The following RNGTT variants were observed in gnomAD, a reference collection of about 807,000 sequenced individuals.
The protein encoded by RNGTT is RNA guanylyltransferase and 5'-phosphatase.
In RNGTT, 33 loss-of-function variants were observed where a neutral mutation model predicts 79.3. The ratio of observed to expected loss-of-function variants is 0.42; its 90% confidence interval spans 0.32 to 0.56. The LOEUF is 0.56. Among genes scored for constraint, RNGTT ranks in the 20% least tolerant of loss-of-function variants. RNGTT has a pLI of 0.17. For synonymous variants in RNGTT, 222 were observed against 235.9 expected (o/e 0.94, Z 0.54); for missense variants, 497 against 739.1 (o/e 0.67, Z 3.80).
chr6:88,616,215 TG>T (rs1207278206), intron 14 of RNGTT, among the ~76,000 whole-genome samples: 1 of 152,250 alleles, frequency 6.6e-6, no homozygotes, highest in Non-Finnish European at 1.5e-5. Context: ...AATATTCCAC[TG>T]TATGTATACA....
intron 11 of RNGTT, among the ~76,000 whole-genome samples, chr6:88,838,034 T>C (rs1781139740): frequency 1.3e-5 from 2 of 152,188 alleles, no homozygotes; most frequent in South Asian, 2.1e-4. Context: ...TGCAAAATTA[T>C]TGCAAGCAAT....
At chr6:88,673,596 A>C (rs1028396924) in intron 14 of RNGTT, among the ~76,000 whole-genome samples, 4 of 152,260 alleles carry the variant, frequency 2.6e-5, no homozygotes, top group African/African-American at 9.6e-5. Context: ...CAACAACATC[A>C]AAAGAAAAGG....
chr6:88,690,716 A>G (rs1775447749), intron 13 of RNGTT, among the ~76,000 whole-genome samples: 1 of 152,184 alleles, frequency 6.6e-6, no homozygotes, highest in South Asian at 2.1e-4. Context: ...CATCTCAAAA[A>G]TAAATAAATA....
In RNGTT at chr6:88,890,535, G is replaced by C. The variant is rs1293517590; in HGVS notation, c.856C>G (p.Leu286Val). The C allele has an allele frequency of 6.2e-7, 1 of 1,613,436 alleles. No individual in the cohort carries two copies. The highest frequency in any genetic ancestry group is 1.1e-5 in the South Asian group (1 of 91,016). ...MDKQNIKLLD[L>V]KPYKVSWKAD... ...TTCCAGCTTACTTTGTATGGCTTCA[G>C]GTCTAAAAGTTTAATATTTTGCTTG... The change falls in exon 8 of 16, where the codon CTG becomes GTG. Residue 286 changes from leucine to valine, a missense_variant. Leu to Val is a conservative substitution (Grantham distance 32). This residue lies in a region of RNGTT where 440 missense variants were observed against 671.5 expected (regional missense o/e 0.66). Coordinates refer to ENST00000369485, the MANE Select transcript of RNGTT (RefSeq NM_003800.5).
At chr6:88,912,541 C>G (rs543645350) in intron 4 of RNGTT, among the ~76,000 whole-genome samples, 2 of 151,562 alleles carry the variant, frequency 1.3e-5, no homozygotes, top group Non-Finnish European at 2.9e-5. Context: ...CAGAGCAGAG[C>G]AAAAAGAAGT....
At chr6:88,798,397 C>T (rs538107063) in intron 12 of RNGTT, among the ~76,000 whole-genome samples, 4 of 151,120 alleles carry the variant, frequency 2.6e-5, no homozygotes, top group Admixed American at 1.3e-4. Flanking sequence ...CCCAGGAGGT[C>T]GAGGCTGCAG....
chr6:88,700,618 G>A (rs1469090060), intron 13 of RNGTT, among the ~76,000 whole-genome samples: 2 of 152,074 alleles, frequency 1.3e-5, no homozygotes, highest in African/African-American at 4.8e-5. Context: ...ATTTATAGAA[G>A]TAATCCATCC....
rs984935477 is a variant in RNGTT at position 88,611,796 on chromosome 6, C to T, written c.*923G>A. 1 of 152,506 alleles carries T rather than the reference C, an allele frequency of 6.6e-6. No homozygotes were observed. Among genetic ancestry groups the T allele is most frequent in the Admixed American group, 6.6e-5 (1 of 15,262 alleles). 9.4% of individuals were successfully genotyped at this position (152,506 alleles called of 1,614,324 possible). A position where few individuals can be genotyped will look rare whatever the true frequency, so the allele number is the denominator to read the frequency against. On this transcript the variant is annotated 3_prime_UTR_variant, in exon 16 of 16. Transcript: ENST00000369485. ...CTGGCATTCCCTTTGCTGTTTTGTT[C>T]GAGAGAAGGAACACAACATCGTTTG...
At chr6:88,933,788 A>G (rs935025565) in intron 2 of RNGTT, among the ~76,000 whole-genome samples, 1 of 152,196 alleles carries the variant, frequency 6.6e-6, no homozygotes, top group Non-Finnish European at 1.5e-5. Context: ...TTGTGTATAT[A>G]TGCCACATTT....
At chr6:88,932,665 T>A (rs1562050470) in intron 2 of RNGTT, among the ~76,000 whole-genome samples, 2 of 152,124 alleles carry the variant, frequency 1.3e-5, no homozygotes, top group African/African-American at 4.8e-5. Context: ...TGGGGGCTGG[T>A]TCCCCCAACA....
rs556620194 is a variant in RNGTT at position 88,697,928 on chromosome 6, G to GAT, written c.1440-19511_1440-19510dup. 1.7e-3 allele frequency among the ~76,000 whole-genome samples: 178 copies of GAT among 107,278 alleles called. 45 individuals are homozygous for GAT. The highest frequency in any genetic ancestry group is 4.9e-3 in the African/African-American group (105 of 21,336). The allele number at this position is 107,278 out of a possible 152,430, so 70.4% of individuals were successfully genotyped here. ...ATATATATATGAAATACATATATAT[G>GAT]ATATATATATGAAATACATATATAT... On this transcript the variant is annotated intron_variant, in intron 13 of 15. Transcript: ENST00000369485.
intron 8 of RNGTT, among the ~76,000 whole-genome samples, chr6:88,887,785 T>C (rs1303330872): frequency 1.3e-5 from 2 of 152,082 alleles, no homozygotes; most frequent in African/African-American, 4.8e-5. Flanking sequence ...TGCCCAAAGC[T>C]TACCATGATA....
intron 13 of RNGTT, among the ~76,000 whole-genome samples, chr6:88,748,017 T>A (rs1777720331): frequency 6.6e-6 from 1 of 152,080 alleles, no homozygotes; most frequent in African/African-American, 2.4e-5. Flanking sequence ...AGAAAATCAC[T>A]ACACTACACC....
chr6:88,772,033 G>C (rs1778701125), intron 12 of RNGTT, among the ~76,000 whole-genome samples: 1 of 151,954 alleles, frequency 6.6e-6, no homozygotes, highest in Non-Finnish European at 1.5e-5. Context: ...TTAATAATTA[G>C]CCAAATATAG....
chr6:88,863,155 C>T (rs992707114), intron 8 of RNGTT, among the ~76,000 whole-genome samples: 1 of 152,182 alleles, frequency 6.6e-6, no homozygotes, highest in African/African-American at 2.4e-5. Context: ...AAAGCCTATT[C>T]ACTTCTTCAC....
intron 8 of RNGTT, among the ~76,000 whole-genome samples, chr6:88,862,438 G>C (rs567548161): frequency 1.9e-4 from 29 of 152,266 alleles, no homozygotes; most frequent in African/African-American, 6.3e-4. Flanking sequence ...GCACATCCAG[G>C]GTGGACGTGA....
At chr6:88,686,906 G>A (rs1211966929) in intron 13 of RNGTT, among the ~76,000 whole-genome samples, 3 of 145,576 alleles carry the variant, frequency 2.1e-5, no homozygotes, top group African/African-American at 8.5e-5. Flanking sequence ...GAAAACCTGA[G>A]TAAATTCCTC....
At chr6:88,714,590 C>T (rs1776439137) in intron 13 of RNGTT, among the ~76,000 whole-genome samples, 1 of 121,012 alleles carries the variant, frequency 8.3e-6, no homozygotes, top group Admixed American at 7.3e-5. Flanking sequence ...CTACAGGCGC[C>T]CGCCACTACG....
chr6:88,698,158 GATATATATGACATATATATGAT>G (rs1562201895), intron 13 of RNGTT, among the ~76,000 whole-genome samples: 1 of 54,126 alleles, frequency 1.8e-5, no homozygotes, highest in Non-Finnish European at 2.7e-5. Flanking sequence ...AAATACATAT[GATATATATGACATATATATGAT>G]ATATATATGA....
Sources: allele counts gnomAD v4.1 joint callset (sites outside exome capture counted in the v4.1 genomes callset), GRCh38; gene constraint gnomAD v4.1.1; regional missense constraint gnomAD v4.1.1; transcripts MANE v1.5; gene names NCBI Gene and HGNC (gene_info 2026-07-23, HGNC 2026-07-21).